Variants in EHMT1 observed in about 807,000 individuals in gnomAD.
The protein encoded by EHMT1 is euchromatic histone lysine methyltransferase 1.
A neutral mutation model predicts 147.2 loss-of-function variants in EHMT1; 15 were observed. That is an observed-to-expected ratio of 0.10 (90% confidence interval 0.07 to 0.16). The LOEUF is 0.16. EHMT1 is among the 10% of genes least tolerant of loss of function. The probability of loss-of-function intolerance (pLI) is 1.00; values close to 1 mark genes in which losing one functional copy is unlikely to be tolerated. For missense variants in EHMT1, 1,587 were observed against 1,772.4 expected, an observed-to-expected ratio of 0.90 and a Z score of 1.88; for synonymous variants, 795 against 709.6, an observed-to-expected ratio of 1.12 and a Z score of -1.91.
intron 1 of EHMT1, among the ~76,000 whole-genome samples, chr9:137,655,978 A>G (rs11137169): frequency 0.15 from 22,847 of 152,228 alleles, 2,025 homozygotes; most frequent in Admixed American, 0.3. Flanking sequence ...GCTTTATGAT[A>G]TATCTACTTT....
intron 1 of EHMT1, among the ~76,000 whole-genome samples, chr9:137,669,618 C>T (rs1034672775): frequency 6.6e-6 from 1 of 151,544 alleles, no homozygotes; most frequent in African/African-American, 2.4e-5. Context: ...CAGCTCTTCC[C>T]TGGCCCCTCC....
intron 1 of EHMT1, among the ~76,000 whole-genome samples, chr9:137,633,655 C>T (rs1843769760): frequency 6.6e-6 from 1 of 152,192 alleles, no homozygotes; most frequent in East Asian, 1.9e-4. Flanking sequence ...ACCACTACTT[C>T]CAGATCATTC....
In EHMT1 at chr9:137,736,114, A is replaced by T. The variant is rs78300272; in HGVS notation, c.824-7257A>T. ...ATTGAAAGTGAAAGGATGAAAAAAG[A>T]TATTCCATGCAAACAGTAACCAAAG... On this transcript the variant is annotated intron_variant, in intron 4 of 26. Coordinates refer to ENST00000460843, the MANE Select transcript of EHMT1 (RefSeq NM_024757.5). Among the ~76,000 whole-genome samples the T allele has an allele frequency of 5.5e-3, 842 of 152,358 alleles. 8 individuals carry two copies. Among genetic ancestry groups the T allele is most frequent in the African/African-American group, 0.018 (737 of 41,582 alleles).
chr9:137,762,677 T>C lies in EHMT1; in HGVS notation c.1504T>C (p.Leu502=), dbSNP rs546042446. ...GACATGTGTCTGTGTGACGTTAGGG[T>C]TGGCCAACGGTCCAGATGTGCTGGA... ...KGILSSQAEG[L]ANGPDVLETD... is the part of the protein sequence containing the mutation. The change falls in exon 10 of 27, where the codon TTG becomes CTG. Residue 502 remains leucine (L), a splice_region_variant and synonymous_variant. Transcript: ENST00000460843. 1 of 1,614,036 alleles carries C rather than the reference T, an allele frequency of 6.2e-7. No individual in the cohort carries two copies. The highest frequency in any genetic ancestry group is 1.3e-5 in the African/African-American group (1 of 74,908).
intron 1 of EHMT1, among the ~76,000 whole-genome samples, chr9:137,705,183 G>A (rs1477985834): frequency 6.6e-6 from 1 of 152,034 alleles, no homozygotes; most frequent in Non-Finnish European, 1.5e-5. Flanking sequence ...GTAGAGATGG[G>A]GGTCTCACTG....
intron 4 of EHMT1, among the ~76,000 whole-genome samples, chr9:137,739,593 G>A (rs1327001593): frequency 1.3e-5 from 2 of 152,160 alleles, no homozygotes; most frequent in African/African-American, 4.8e-5. Context: ...GGTAGAAGCT[G>A]CAGGTCCCTG....
chr9:137,672,956 T>C (rs1940853309), intron 1 of EHMT1, among the ~76,000 whole-genome samples: 1 of 152,218 alleles, frequency 6.6e-6, no homozygotes. Context: ...CTTGTGGTTT[T>C]CTGCATGCAG....
intron 1 of EHMT1, among the ~76,000 whole-genome samples, chr9:137,661,233 A>G (rs1031914998): frequency 6.6e-5 from 10 of 152,130 alleles, no homozygotes; most frequent in African/African-American, 2.4e-4. Flanking sequence ...TTATCATTCT[A>G]TATATCTATC....
At chr9:137,717,775 C>T (rs1945495301) in intron 3 of EHMT1, among the ~76,000 whole-genome samples, 1 of 152,198 alleles carries the variant, frequency 6.6e-6, no homozygotes, top group African/African-American at 2.4e-5. Context: ...ACGGCCTCTT[C>T]TGCTTTGGAC....
intron 25 of EHMT1, among the ~76,000 whole-genome samples, chr9:137,824,245 T>C (rs1955657290): frequency 6.6e-6 from 1 of 152,148 alleles, no homozygotes; most frequent in Non-Finnish European, 1.5e-5. Flanking sequence ...CTCTCAAAGA[T>C]GTGGGTTTGA....
At chr9:137,834,552 C>G in intron 26 of EHMT1, 28 bp downstream of exon 26, 1 of 1,608,206 alleles carries the variant, frequency 6.2e-7, no homozygotes, top group Non-Finnish European at 8.5e-7. Flanking sequence ...CCCTGGCCAT[C>G]TCCGCTGCCG....
chr9:137,800,496 G>A (rs941365092), intron 17 of EHMT1: 7 of 272,606 alleles, frequency 2.6e-5, no homozygotes, highest in East Asian at 9.5e-5. Context: ...GGCTGCTGGT[G>A]CGCTCCGGGT....
At chr9:137,796,685 C>T (rs1215815285) in intron 16 of EHMT1, among the ~76,000 whole-genome samples, 9 of 116,586 alleles carry the variant, frequency 7.7e-5, no homozygotes, top group African/African-American at 2.6e-4. Context: ...GCCTGGGCGA[C>T]AGAGCCAGAC....
intron 2 of EHMT1, among the ~76,000 whole-genome samples, chr9:137,714,278 T>C (rs548824888): frequency 6.6e-5 from 10 of 152,340 alleles, no homozygotes; most frequent in South Asian, 2.1e-4. Context: ...TAGTTTTTCA[T>C]AGATGCCCTA....
intron 1 of EHMT1, among the ~76,000 whole-genome samples, chr9:137,620,377 G>C (rs1251697638): frequency 6.6e-6 from 1 of 152,102 alleles, no homozygotes; most frequent in African/African-American, 2.4e-5. Context: ...TCTTCACCCT[G>C]TGCAGCAGGT....
rs142648663 is a variant in EHMT1, at chr9:137,705,702, C to T, written c.22-5265C>T. On this transcript the variant is annotated intron_variant, in intron 1 of 26. Transcript: ENST00000460843. ...GGGGAGGAGGGGTTTCCTGACTGAG[C>T]GAGAAGCCCCAAGTCAGGGCTGTCC... Among the ~76,000 whole-genome samples the T allele has an allele frequency of 5.3e-5, 8 of 152,298 alleles. No individual in the cohort carries two copies. In the East Asian group the frequency reaches 1.3e-3, roughly 26 times the overall value.
intron 1 of EHMT1, among the ~76,000 whole-genome samples, chr9:137,640,699 A>C (rs1391904829): frequency 1.3e-5 from 2 of 152,224 alleles, no homozygotes; most frequent in Non-Finnish European, 2.9e-5. Flanking sequence ...TTAGCTTCCA[A>C]CAGTGCAAAG....
intron 3 of EHMT1, 84 bp downstream of exon 3, chr9:137,717,266 A>T: frequency 6.6e-7 from 1 of 1,524,812 alleles, no homozygotes; most frequent in Admixed American, 1.9e-5. Context: ...TGCATTGAGG[A>T]GAAGCCAGTA....
intron 18 of EHMT1, chr9:137,802,714 C>T: frequency 1.1e-6 from 1 of 879,120 alleles, no homozygotes; most frequent in East Asian, 3.3e-5. Flanking sequence ...TGGGCACCCG[C>T]TGCCTCCCTG....
Sources: allele counts gnomAD v4.1 joint callset (sites outside exome capture counted in the v4.1 genomes callset), GRCh38; gene constraint gnomAD v4.1.1; transcripts MANE v1.5; gene names NCBI Gene and HGNC (gene_info 2026-07-23, HGNC 2026-07-21).